GREM2: variants seen among roughly 807,000 people sequenced by gnomAD.
GREM2 encodes the protein gremlin 2, DAN family BMP antagonist.
Under a neutral mutation model 14.2 loss-of-function variants are expected in GREM2, and 11 were observed. That is an observed-to-expected ratio of 0.78 (90% CI 0.49 to 1.28). The LOEUF (loss-of-function observed/expected upper bound fraction) is 1.28, where lower values mean the gene tolerates loss of function less well. Among genes scored for constraint, GREM2 ranks in the 50% most tolerant of loss-of-function variants. The pLI, the probability that GREM2 is intolerant of heterozygous loss-of-function variation, is 0.00. For synonymous variants in GREM2, 98 were observed against 97.6 expected, an observed-to-expected ratio of 1.00 and a Z score of -0.02; for missense variants, 210 against 218.5, an observed-to-expected ratio of 0.96 and a Z score of 0.24.
chr1:240,590,772 CTT>C (rs35975319), intron 1 of GREM2: 1 of 143,506 alleles, frequency 7.0e-6, no homozygotes, highest in Non-Finnish European at 1.5e-5. Context: ...GTCTCATGAC[CTT>C]TTTTTTTTTC....
chr1:240,516,346 G>GT (rs1159479274), intron 1 of GREM2, among the ~76,000 whole-genome samples: 2 of 152,052 alleles, frequency 1.3e-5, no homozygotes, highest in African/African-American at 4.8e-5. Flanking sequence ...GAGTAACTGT[G>GT]TAACTGATTA....
At chr1:240,512,619 C>T (rs531973393) in intron 1 of GREM2, among the ~76,000 whole-genome samples, 1 of 120,954 alleles carries the variant, frequency 8.3e-6, no homozygotes, top group Non-Finnish European at 1.7e-5. Context: ...ATTCTTACTT[C>T]CCTGACGCAT....
At chr1:240,498,243 G>A (rs1558137468) in intron 1 of GREM2, among the ~76,000 whole-genome samples, 2 of 152,186 alleles carry the variant, frequency 1.3e-5, no homozygotes, top group South Asian at 4.1e-4. Context: ...GGTCTCACGG[G>A]AAGCTAAGCA....
intron 1 of GREM2, among the ~76,000 whole-genome samples, chr1:240,595,774 CT>C (rs1679809719): frequency 6.6e-6 from 1 of 152,094 alleles, no homozygotes; most frequent in African/African-American, 2.4e-5. Flanking sequence ...ATAATAATAC[CT>C]GGCTTGTCTT....
chr1:240,535,449 T>A lies in GREM2; in HGVS notation c.-1-41973A>T, dbSNP rs539408687. On this transcript the variant is annotated intron_variant, in intron 1 of 1. Transcript: ENST00000318160. ...ACAAAGGAGAGATTGTGAAAAAAAA[T>A]TTTAAAAAGCCAAGAATGACATCCT... is the stretch of plus-strand genomic sequence containing the variant. 1.6e-4 allele frequency among the ~76,000 whole-genome samples: 25 copies of A among 152,102 alleles called. 1 individual carries two copies. Among genetic ancestry groups the A allele is most frequent in the Admixed American group, 9.2e-4 (14 of 15,262 alleles).
At chr1:240,571,707 A>G (rs1268574322) in intron 1 of GREM2, among the ~76,000 whole-genome samples, 2 of 152,150 alleles carry the variant, frequency 1.3e-5, no homozygotes, top group Non-Finnish European at 2.9e-5. Flanking sequence ...GCAAAAAAAG[A>G]AAAAGAAAAA....
intron 1 of GREM2, among the ~76,000 whole-genome samples, chr1:240,605,075 C>T (rs868431344): frequency 3.9e-5 from 6 of 152,120 alleles, no homozygotes; most frequent in African/African-American, 9.7e-5. Context: ...GCTAGCCAAT[C>T]GGGACAAATA....
At chr1:240,568,638 C>T (rs981132693) in intron 1 of GREM2, among the ~76,000 whole-genome samples, 2 of 151,880 alleles carry the variant, frequency 1.3e-5, no homozygotes, top group African/African-American at 2.4e-5. Flanking sequence ...AACAGTATAC[C>T]ATGCTAACAC....
chr1:240,589,471 A>G (rs1285621163), intron 1 of GREM2, among the ~76,000 whole-genome samples: 2 of 150,532 alleles, frequency 1.3e-5, no homozygotes, highest in South Asian at 2.1e-4. Flanking sequence ...AAAAGAAAAG[A>G]AAAGGAAAGA....
intron 1 of GREM2, among the ~76,000 whole-genome samples, chr1:240,558,877 A>G (rs1236374148): frequency 6.6e-6 from 1 of 152,132 alleles, no homozygotes; most frequent in Non-Finnish European, 1.5e-5. Context: ...TCCCAAAACA[A>G]CAAAAATATA....
chr1:240,540,465 T>C lies in GREM2; in HGVS notation c.-1-46989A>G, dbSNP rs557666376. 5.3e-5 allele frequency among the ~76,000 whole-genome samples: 8 copies of C among 152,270 alleles called. No individual in the cohort carries two copies. Among genetic ancestry groups the C allele is most frequent in the African/African-American group, 1.9e-4 (8 of 41,572 alleles). On this transcript the variant is annotated intron_variant, in intron 1 of 1. Transcript: ENST00000318160. The surrounding 1 kb of genome is among the most constrained non-coding windows in gnomAD (Gnocchi z 4.2). ...GGCTGTTTCCTAGAGCACATATTGA[T>C]TTAAAACTGAACTGAGAGATTGTGT...
At chr1:240,585,165 T>A (rs551876151) in intron 1 of GREM2, among the ~76,000 whole-genome samples, 1 of 152,138 alleles carries the variant, frequency 6.6e-6, no homozygotes, top group Admixed American at 6.5e-5. Flanking sequence ...TTAGGCAATG[T>A]AGGTAAAAGT....
chr1:240,581,998 C>T (rs146337330), intron 1 of GREM2, among the ~76,000 whole-genome samples: 396 of 152,334 alleles, frequency 2.6e-3, no homozygotes, highest in African/African-American at 9.1e-3. Flanking sequence ...CATTAATGCA[C>T]GATTGCTGGG....
At chr1:240,520,706 C>A (rs1001139643) in intron 1 of GREM2, among the ~76,000 whole-genome samples, 2 of 151,936 alleles carry the variant, frequency 1.3e-5, no homozygotes, top group South Asian at 4.1e-4. Flanking sequence ...CCATGCCCAG[C>A]TAATTTTTGT....
intron 1 of GREM2, among the ~76,000 whole-genome samples, chr1:240,559,612 G>C (rs1679005489): frequency 6.6e-6 from 1 of 152,038 alleles, no homozygotes; most frequent in Non-Finnish European, 1.5e-5. Flanking sequence ...CCAAAGTCCT[G>C]GGATTACAGG....
chr1:240,549,525 T>A (rs964383098), intron 1 of GREM2, among the ~76,000 whole-genome samples: 5 of 151,884 alleles, frequency 3.3e-5, no homozygotes, highest in African/African-American at 1.2e-4. Context: ...CAATACAGAA[T>A]CAAATATTAA....
chr1:240,519,941 G>T (rs1192232468), intron 1 of GREM2, among the ~76,000 whole-genome samples: 1 of 152,050 alleles, frequency 6.6e-6, no homozygotes, highest in African/African-American at 2.4e-5. Flanking sequence ...TTAGCTGGGC[G>T]TGGTGGCGCA....
At position 240,493,234 on chromosome 1, in the gene GREM2, G is replaced by A. The variant is rs1356026742; in HGVS notation, c.242C>T (p.Thr81Met). The A allele has an allele frequency of 6.2e-7, 1 of 1,614,026 alleles. No homozygotes were observed. Among genetic ancestry groups the A allele is most frequent in the Non-Finnish European group, 8.5e-7 (1 of 1,180,030 alleles). ...DWCKTQPLRQ[T>M]VSEEGCRSRT... is the part of the protein sequence containing the mutation. ...GCTCCGGCAGCCCTCCTCGCTCACCGTCTGCCGCAGCGGCTGCGTCTTGCA... is the reference window on the plus strand; with the variant it reads ...GCTCCGGCAGCCCTCCTCGCTCACCATCTGCCGCAGCGGCTGCGTCTTGCA... The change falls in exon 2 of 2, where the codon ACG becomes ATG. Residue 81 changes from threonine to methionine, a missense_variant. By Grantham distance (81) the Thr-to-Met change is moderately conservative. Transcript: ENST00000318160.
chr1:240,541,476 C>T (rs1572390017), intron 1 of GREM2, among the ~76,000 whole-genome samples: 2 of 152,330 alleles, frequency 1.3e-5, no homozygotes, highest in African/African-American at 2.4e-5. Flanking sequence ...AACTACGTTA[C>T]ATTTTCTCCT....
Sources: gnomAD v4.1 joint callset for allele counts (sites outside exome capture counted in the v4.1 genomes callset) on GRCh38, gnomAD v4.1.1 for gene constraint, Gnocchi (gnomAD v3.1) non-coding constraint, MANE v1.5 for transcripts, NCBI Gene and HGNC (gene_info 2026-07-23, HGNC 2026-07-21) for gene names.